The following SIPA1L1 variants were observed in gnomAD, a reference collection of about 807,000 sequenced individuals.
SIPA1L1 encodes signal induced proliferation associated 1 like 1.
In SIPA1L1, 26 loss-of-function variants were observed where a neutral mutation model predicts 162.7. The observed-to-expected ratio is 0.16, with a 90% CI of 0.12 to 0.22. SIPA1L1 has a LOEUF of 0.22. Ranked by LOEUF, SIPA1L1 falls within the 10% of genes least tolerant of loss-of-function variation. The pLI is 1.00. For missense variants in SIPA1L1, 1,874 were observed against 2,241.0 expected (o/e 0.84, Z 3.31); for synonymous variants, 829 against 837.4 (o/e 0.99, Z 0.17).
chr14:71,713,172 T>C (rs1193474156), intron 17 of SIPA1L1, among the ~76,000 whole-genome samples: 2 of 152,180 alleles, frequency 1.3e-5, no homozygotes, highest in African/African-American at 4.8e-5. Context: ...CTGGGCAACA[T>C]AGTGAGACAC....
intron 3 of SIPA1L1, among the ~76,000 whole-genome samples, chr14:71,527,800 A>G (rs2053033086): frequency 6.6e-6 from 1 of 152,138 alleles, no homozygotes; most frequent in Non-Finnish European, 1.5e-5. Context: ...TTAGACTTTC[A>G]TGTTTTTCAG....
At chr14:71,618,507 G>C (rs1000117243) in intron 5 of SIPA1L1, among the ~76,000 whole-genome samples, 1 of 152,184 alleles carries the variant, frequency 6.6e-6, no homozygotes, top group African/African-American at 2.4e-5. Flanking sequence ...TTGAGAAATA[G>C]TAGAGTAGTA....
intron 5 of SIPA1L1, among the ~76,000 whole-genome samples, chr14:71,617,198 G>A (rs1048957357): frequency 6.6e-6 from 1 of 152,044 alleles, no homozygotes; most frequent in Non-Finnish European, 1.5e-5. Flanking sequence ...TTTCTTCCTT[G>A]TTGTCAGTTG....
rs1229240767 is a variant in SIPA1L1 at position 71,695,936 on chromosome 14, C to T, written c.3375-3045C>T. ...ATAACCAATTCCTCCTATTCATACC[C>T]CTTTCAGATCACCTTACAATTAATT... On this transcript the variant is annotated intron_variant, in intron 13 of 23. Transcript: ENST00000381232. Among the ~76,000 whole-genome samples, 3 of 152,136 alleles carry T rather than the reference C, an allele frequency of 2.0e-5. No individual in the cohort carries two copies. In the East Asian group the frequency reaches 5.8e-4, roughly 29 times the overall value.
chr14:71,702,996 A>G (rs118047833), intron 15 of SIPA1L1, among the ~76,000 whole-genome samples: 211 of 152,326 alleles, frequency 1.4e-3, no homozygotes, highest in Non-Finnish European at 2.5e-3. Context: ...CAGCTAAGGA[A>G]ATGTCTTAGC....
intron 4 of SIPA1L1, among the ~76,000 whole-genome samples, chr14:71,560,233 T>C (rs2056678259): frequency 6.6e-6 from 1 of 152,226 alleles, no homozygotes. Context: ...TCTGCAAGCA[T>C]TAGAAAACCT....
At chr14:71,560,767 C>T (rs1010430617) in intron 4 of SIPA1L1, among the ~76,000 whole-genome samples, 1 of 152,194 alleles carries the variant, frequency 6.6e-6, no homozygotes, top group South Asian at 2.1e-4. Context: ...GTCTTCCATA[C>T]CTGCTGGAGT....
At chr14:71,480,266 G>A (rs2048242277) in intron 2 of SIPA1L1, among the ~76,000 whole-genome samples, 1 of 151,174 alleles carries the variant, frequency 6.6e-6, no homozygotes, top group African/African-American at 2.4e-5. Flanking sequence ...TGTATTTTTA[G>A]TAGAGACGGG....
intron 14 of SIPA1L1, among the ~76,000 whole-genome samples, chr14:71,700,800 C>G (rs1478911158): frequency 6.6e-6 from 1 of 151,942 alleles, no homozygotes; most frequent in African/African-American, 2.4e-5. Context: ...CAAGATCATC[C>G]TGGCTAACAT....
chr14:71,665,527 G>T (rs983644658), intron 10 of SIPA1L1, among the ~76,000 whole-genome samples: 2 of 152,132 alleles, frequency 1.3e-5, no homozygotes, highest in African/African-American at 4.8e-5. Flanking sequence ...CCAGTTGATA[G>T]AGAAGATTAG....
chr14:71,674,365 G>T (rs1192414864), intron 12 of SIPA1L1, among the ~76,000 whole-genome samples: 1 of 152,228 alleles, frequency 6.6e-6, no homozygotes, highest in East Asian at 1.9e-4. Context: ...GCCTGATCCT[G>T]GATAGATGGA....
At chr14:71,354,462 A>G (rs1566923466) in intron 2 of SIPA1L1, among the ~76,000 whole-genome samples, 1 of 151,704 alleles carries the variant, frequency 6.6e-6, no homozygotes, top group Non-Finnish European at 1.5e-5. Flanking sequence ...ATTTTTGTAG[A>G]GGGGGGGTTT....
At chr14:71,503,602 ATGTT>A (rs2050419593) in intron 2 of SIPA1L1, among the ~76,000 whole-genome samples, 1 of 152,130 alleles carries the variant, frequency 6.6e-6, no homozygotes, top group Non-Finnish European at 1.5e-5. Context: ...TTTTTCTTTA[ATGTT>A]TCTAGACAAC....
intron 17 of SIPA1L1, among the ~76,000 whole-genome samples, chr14:71,721,635 C>T (rs2083743894): frequency 6.6e-6 from 1 of 152,246 alleles, no homozygotes; most frequent in Non-Finnish European, 1.5e-5. Context: ...GGATGAGCTG[C>T]TACTCAGGTT....
intron 2 of SIPA1L1, among the ~76,000 whole-genome samples, chr14:71,364,558 T>C (rs192601272): frequency 6.6e-6 from 1 of 152,318 alleles, no homozygotes; most frequent in East Asian, 1.9e-4. Context: ...TGTCCCAGTA[T>C]ATGAATATAT....
chr14:71,658,305 CT>C, intron 8 of SIPA1L1, 27 bp from the exon 9 acceptor site: 1 of 1,080,372 alleles, frequency 9.3e-7, no homozygotes, highest in Non-Finnish European at 1.4e-6. Flanking sequence ...TTATAGTCAT[CT>C]CATCATTATA....
intron 2 of SIPA1L1, among the ~76,000 whole-genome samples, chr14:71,435,177 C>CT (rs779025107): frequency 4.8e-4 from 73 of 151,088 alleles, no homozygotes; most frequent in South Asian, 8.4e-4. Context: ...TTTCTTTTTT[C>CT]TTTTTTTTTA....
chr14:71,675,233 G>C (rs112628138), intron 12 of SIPA1L1, among the ~76,000 whole-genome samples: 11 of 152,210 alleles, frequency 7.2e-5, no homozygotes, highest in Non-Finnish European at 1.5e-4. Flanking sequence ...AGGCCTTCCC[G>C]GAGGAGCCAG....
At chr14:71,685,104 G>T (rs926262565) in intron 12 of SIPA1L1, among the ~76,000 whole-genome samples, 4 of 152,162 alleles carry the variant, frequency 2.6e-5, no homozygotes, top group Non-Finnish European at 4.4e-5. Flanking sequence ...GTGTCCGTGG[G>T]TCCCATTGTT....
Sources: allele counts gnomAD v4.1 joint callset (sites outside exome capture counted in the v4.1 genomes callset), GRCh38; gene constraint gnomAD v4.1.1; transcripts MANE v1.5; gene names NCBI Gene and HGNC (gene_info 2026-07-23, HGNC 2026-07-21).